Variants in KCNMA1 observed in about 807,000 individuals in gnomAD.
KCNMA1 encodes the protein potassium calcium-activated channel subfamily M alpha 1, also known as Calcium-activated potassium channel subunit alpha-1.
Under a neutral mutation model 140.0 loss-of-function variants are expected in KCNMA1, and 29 were observed. The ratio of observed to expected loss-of-function variants is 0.21; its 90% CI spans 0.15 to 0.28. The LOEUF (loss-of-function observed/expected upper bound fraction) is 0.28, where lower values mean the gene tolerates loss of function less well. Among genes scored for constraint, KCNMA1 ranks in the 10% least tolerant of loss-of-function variants. The pLI, the probability that KCNMA1 is intolerant of heterozygous loss-of-function variation, is 1.00. For synonymous variants in KCNMA1, 612 were observed against 611.9 expected, an observed-to-expected ratio of 1.00 and a Z score of 0.00; for missense variants, 880 against 1,602.2, an observed-to-expected ratio of 0.55 and a Z score of 7.70.
At chr10:77,218,630 C>T (rs1310605233) in intron 3 of KCNMA1, among the ~76,000 whole-genome samples, 2 of 152,144 alleles carry the variant, frequency 1.3e-5, no homozygotes, top group African/African-American at 4.8e-5. Context: ...CAAGAGCATC[C>T]TTTCTTTAAT....
At chr10:77,035,406 C>T (rs1565680840) in intron 15 of KCNMA1, among the ~76,000 whole-genome samples, 1 of 152,228 alleles carries the variant, frequency 6.6e-6, no homozygotes, top group Non-Finnish European at 1.5e-5. Flanking sequence ...TACCACAGCA[C>T]TTATCAGTGG....
intron 20 of KCNMA1, among the ~76,000 whole-genome samples, chr10:76,959,190 T>C (rs889581601): frequency 5.9e-5 from 9 of 152,168 alleles, no homozygotes; most frequent in Non-Finnish European, 1.2e-4. Context: ...CATTTGAGGA[T>C]CAATGCCAAT....
intron 1 of KCNMA1, among the ~76,000 whole-genome samples, chr10:77,479,348 C>T (rs962561310): frequency 1.1e-4 from 17 of 152,078 alleles, no homozygotes; most frequent in East Asian, 5.8e-4. Context: ...ACAACAGATG[C>T]GGGATAAAAT....
At chr10:77,308,601 C>T (rs1312205675) in intron 2 of KCNMA1, among the ~76,000 whole-genome samples, 1 of 152,226 alleles carries the variant, frequency 6.6e-6, no homozygotes, top group Non-Finnish European at 1.5e-5. Context: ...CAGCTGCCGC[C>T]TTGTCAGGAA....
intron 1 of KCNMA1, among the ~76,000 whole-genome samples, chr10:77,500,257 T>C (rs1181567573): frequency 6.6e-6 from 1 of 150,576 alleles, no homozygotes; most frequent in Non-Finnish European, 1.5e-5. Context: ...TATGCAATAA[T>C]ATATAATAAA....
intron 1 of KCNMA1, among the ~76,000 whole-genome samples, chr10:77,563,100 A>G (rs999493866): frequency 1.3e-5 from 2 of 151,776 alleles, no homozygotes; most frequent in Non-Finnish European, 2.9e-5. Flanking sequence ...ATTCATGCCC[A>G]GGCTAAAGAA....
chr10:77,447,352 C>G (rs2097547894), intron 1 of KCNMA1, among the ~76,000 whole-genome samples: 1 of 152,104 alleles, frequency 6.6e-6, no homozygotes, highest in Admixed American at 6.5e-5. Context: ...TAATAAACAT[C>G]ATGAGCTCAA....
intron 2 of KCNMA1, among the ~76,000 whole-genome samples, chr10:77,377,829 T>C (rs2095223515): frequency 1.3e-5 from 2 of 152,202 alleles, no homozygotes; most frequent in South Asian, 4.1e-4. Context: ...AGTTCCCTCC[T>C]GTGTAAAACA....
rs531793832 is a variant in KCNMA1 at position 77,218,478 on chromosome 10, C to T, written c.602+32717G>A. On this transcript the variant is annotated intron_variant, in intron 3 of 27. Coordinates refer to ENST00000286628, the MANE Select transcript of KCNMA1 (RefSeq NM_001161352.2). ...GCTCCTGAAGACGTGTCTCCTGGTC[C>T]CCACTACTTCTTAAGCCTTGCATCC... Among the ~76,000 whole-genome samples the T allele has an allele frequency of 9.2e-5, 14 of 152,138 alleles. No individual in the cohort carries two copies. The East Asian group carries it at 2.7e-3, about 29-fold the overall frequency.
At chr10:77,281,889 C>T (rs909308646) in intron 2 of KCNMA1, among the ~76,000 whole-genome samples, 7 of 152,136 alleles carry the variant, frequency 4.6e-5, no homozygotes, top group Non-Finnish European at 8.8e-5. Flanking sequence ...TAGTGGTTTC[C>T]TACAGCTGCG....
chr10:77,294,506 A>AC (rs1378989280), intron 2 of KCNMA1, among the ~76,000 whole-genome samples: 4 of 152,220 alleles, frequency 2.6e-5, no homozygotes, highest in African/African-American at 9.6e-5. Context: ...ATAACCTGGG[A>AC]CCCAAAAATG....
Position 76,885,836 on chromosome 10 carries a change from A to G in KCNMA1, c.*1430T>C, listed in dbSNP as rs201817348. On this transcript the variant is annotated 3_prime_UTR_variant, in exon 28 of 28. Transcript: ENST00000286628. ...TCTCCTCTCATGCTTACTAAGTGTT[A>G]AAAAAGAAAGAAAACAAAAGAAGAA... is the stretch of plus-strand genomic sequence containing the variant. The G allele has an allele frequency of 3.0e-6, 3 of 984,970 alleles. No homozygotes were observed. Among genetic ancestry groups the G allele is most frequent in the Middle Eastern group, 5.2e-4 (1 of 1,936 alleles). The allele number at this position is 984,970 out of a possible 1,614,324, so 61.0% of individuals were successfully genotyped here.
At chr10:77,178,260 A>G (rs909118508) in intron 5 of KCNMA1, among the ~76,000 whole-genome samples, 3 of 152,214 alleles carry the variant, frequency 2.0e-5, no homozygotes, top group Admixed American at 6.5e-5. Context: ...TCACAGTACC[A>G]GTAGGATACA....
rs56169968 is a variant in KCNMA1, at chr10:76,910,628, C to T, written c.3017-532G>A. 5.0e-3 allele frequency: 995 copies of T among 198,902 alleles called. 9 individuals are homozygous for T. The highest frequency in any genetic ancestry group is 0.022 in the African/African-American group (932 of 43,278). 12.3% of individuals were successfully genotyped at this position (198,902 alleles called of 1,614,324 possible). A position where few individuals can be genotyped will look rare whatever the true frequency, so the allele number is the denominator to read the frequency against. On this transcript the variant is annotated intron_variant, in intron 24 of 27. Coordinates refer to ENST00000286628, the MANE Select transcript of KCNMA1 (RefSeq NM_001161352.2). ...CACTGGGATTGGCCTGGGTAGTTCC[C>T]GGGGTCCCAGGCCCTAAATCTAGGT...
intron 1 of KCNMA1, among the ~76,000 whole-genome samples, chr10:77,528,197 C>T (rs2056467219): frequency 6.6e-6 from 1 of 152,176 alleles, no homozygotes; most frequent in Admixed American, 6.5e-5. Context: ...GTAACAAGGT[C>T]AAGGCAACAA....
At chr10:77,352,122 G>A (rs948118757) in intron 2 of KCNMA1, among the ~76,000 whole-genome samples, 1 of 152,232 alleles carries the variant, frequency 6.6e-6, no homozygotes, top group African/African-American at 2.4e-5. Flanking sequence ...GCTAAAACAC[G>A]TGAAATGTGC....
chr10:76,960,475 G>A (rs1592018613), intron 20 of KCNMA1, among the ~76,000 whole-genome samples: 1 of 151,082 alleles, frequency 6.6e-6, no homozygotes, highest in African/African-American at 2.4e-5. Flanking sequence ...GGAGGTTGAG[G>A]CTGCCAGTGA....
intron 2 of KCNMA1, among the ~76,000 whole-genome samples, chr10:77,270,663 A>G (rs2154280307): frequency 6.7e-6 from 1 of 149,606 alleles, no homozygotes; most frequent in African/African-American, 2.5e-5. Context: ...CTGGGACTAC[A>G]GGTGCACACC....
At chr10:77,179,488 A>AACAC (rs2098784840) in intron 5 of KCNMA1, among the ~76,000 whole-genome samples, 1 of 152,084 alleles carries the variant, frequency 6.6e-6, no homozygotes, top group Admixed American at 6.5e-5. Context: ...GAGCCAGGAG[A>AACAC]ACACGGAGTC....
Sources: allele counts gnomAD v4.1 joint callset (sites outside exome capture counted in the v4.1 genomes callset), GRCh38; gene constraint gnomAD v4.1.1; transcripts MANE v1.5; gene names NCBI Gene and HGNC (gene_info 2026-07-23, HGNC 2026-07-21).